The following TENM3 variants were observed in gnomAD, a reference collection of about 807,000 sequenced individuals.
TENM3 encodes the protein teneurin transmembrane protein 3.
A neutral mutation model predicts 255.1 loss-of-function variants in TENM3; 63 were observed. The ratio of observed to expected loss-of-function variants is 0.25; its 90% CI spans 0.20 to 0.30. The LOEUF (loss-of-function observed/expected upper bound fraction) is 0.30, where lower values mean the gene tolerates loss of function less well. TENM3 is among the 10% of genes least tolerant of loss of function. The pLI, the probability that TENM3 is intolerant of heterozygous loss-of-function variation, is 1.00. For missense variants in TENM3, 2,929 were observed against 3,461.1 expected (o/e 0.85, Z 3.86); for synonymous variants, 1,306 against 1,322.3 (o/e 0.99, Z 0.27).
At chr4:181,516,701 G>A in the TENM3 span, among the ~76,000 whole-genome samples, 9,415 of 152,024 alleles carry the variant, frequency 0.062, 385 homozygotes, top group South Asian at 0.15. Flanking sequence ...GCTGGAACTC[G>A]GGAGGGGGAG....
intron 3 of TENM3, among the ~76,000 whole-genome samples, chr4:182,479,622 G>C (rs1367622493): frequency 6.6e-6 from 1 of 152,032 alleles, no homozygotes. Flanking sequence ...CATTTCTTTA[G>C]AAACTGAAGT....
Position 182,779,575 on chromosome 4 carries a change from G to A in TENM3, c.5304+4422G>A, listed in dbSNP as rs537988249. On this transcript the variant is annotated intron_variant, in intron 24 of 27. Transcript: ENST00000511685. ...TTATAGTCCTTTACCCAGTAATGGG[G>A]TAATGGGATGGCTGGGTCAAATGGT... Among the ~76,000 whole-genome samples, 6 of 152,304 alleles carry A rather than the reference G, an allele frequency of 3.9e-5. No individual in the cohort carries two copies. In the East Asian group the frequency reaches 1.2e-3, roughly 29 times the overall value.
chr4:181,571,241 A>C, the TENM3 span, among the ~76,000 whole-genome samples: 1 of 152,192 alleles, frequency 6.6e-6, no homozygotes, highest in African/African-American at 2.4e-5. Flanking sequence ...CAGAAGAGCA[A>C]CTACATCCGT....
At chr4:182,303,473 G>A (rs1761957925) in intron 1 of TENM3, among the ~76,000 whole-genome samples, 1 of 152,150 alleles carries the variant, frequency 6.6e-6, no homozygotes, top group South Asian at 2.1e-4. Flanking sequence ...TCACAATAAA[G>A]CGTAAGAATT....
intron 6 of TENM3, among the ~76,000 whole-genome samples, chr4:182,662,081 T>C (rs140481716): frequency 1.0e-3 from 153 of 152,350 alleles, no homozygotes; most frequent in African/African-American, 3.6e-3. Flanking sequence ...TAAACTATTA[T>C]TTATAAAGTG....
At chr4:181,997,721 C>A in the TENM3 span, among the ~76,000 whole-genome samples, 1 of 152,134 alleles carries the variant, frequency 6.6e-6, no homozygotes, top group Non-Finnish European at 1.5e-5. Context: ...CAATGTACAT[C>A]GTCAGCTCTA....
the TENM3 span, among the ~76,000 whole-genome samples, chr4:181,895,267 G>A: frequency 2.3e-4 from 35 of 151,938 alleles, no homozygotes; most frequent in Non-Finnish European, 3.8e-4. Flanking sequence ...TTTAGTGAGG[G>A]CCTAAACAAA....
At chr4:181,905,458 T>A in the TENM3 span, among the ~76,000 whole-genome samples, 1 of 152,024 alleles carries the variant, frequency 6.6e-6, no homozygotes, top group Non-Finnish European at 1.5e-5. Context: ...AGCTCAGTTC[T>A]GAAGGATTTC....
At chr4:181,556,552 A>T in the TENM3 span, among the ~76,000 whole-genome samples, 1 of 152,098 alleles carries the variant, frequency 6.6e-6, no homozygotes, top group East Asian at 1.9e-4. Flanking sequence ...AAAATTATAT[A>T]CTCTGGACAT....
the TENM3 span, among the ~76,000 whole-genome samples, chr4:181,771,340 G>T: frequency 6.6e-6 from 1 of 152,194 alleles, no homozygotes; most frequent in Non-Finnish European, 1.5e-5. Context: ...AAATGTAATA[G>T]GTGATGCACT....
chr4:182,056,095 C>T, the TENM3 span, among the ~76,000 whole-genome samples: 2 of 152,042 alleles, frequency 1.3e-5, no homozygotes, highest in East Asian at 1.9e-4. Context: ...TTAAAGAACT[C>T]AGTGGTAAAT....
At chr4:181,697,627 C>T in the TENM3 span, among the ~76,000 whole-genome samples, 1 of 151,974 alleles carries the variant, frequency 6.6e-6, no homozygotes, top group Non-Finnish European at 1.5e-5. Context: ...CTCCTGACCT[C>T]GTGATCCGCC....
chr4:181,474,718 G>A, the TENM3 span, among the ~76,000 whole-genome samples: 3 of 146,030 alleles, frequency 2.1e-5, no homozygotes, highest in African/African-American at 7.6e-5. Flanking sequence ...CCAGGTAACA[G>A]TGTGAGACTC....
the TENM3 span, among the ~76,000 whole-genome samples, chr4:182,128,001 GA>G: frequency 1.1e-4 from 16 of 151,778 alleles, no homozygotes; most frequent in East Asian, 2.1e-3. Flanking sequence ...TGCTTTAGGT[GA>G]AAAAAAATTT....
intron 1 of TENM3, among the ~76,000 whole-genome samples, chr4:182,274,262 A>C (rs1759842634): frequency 6.6e-6 from 1 of 152,206 alleles, no homozygotes; most frequent in African/African-American, 2.4e-5. Context: ...AGTCTTCTAC[A>C]TTTTTTATTT....
upstream of TENM3, chr4:182,142,230 G>C (rs11737546): frequency 0.33 from 50,771 of 151,862 alleles, 8,813 homozygotes; most frequent in Admixed American, 0.46. Flanking sequence ...GAAGGAGATG[G>C]ATCTATCCCA....
At chr4:181,736,704 G>A in the TENM3 span, among the ~76,000 whole-genome samples, 28 of 151,864 alleles carry the variant, frequency 1.8e-4, no homozygotes, top group East Asian at 5.0e-3. Context: ...TTTAAATCAC[G>A]AACAAATTAA....
the TENM3 span, among the ~76,000 whole-genome samples, chr4:181,918,319 A>C: frequency 6.6e-6 from 1 of 152,348 alleles, no homozygotes; most frequent in East Asian, 1.9e-4. Flanking sequence ...AGTTGGAACA[A>C]TTCAACTTGT....
chr4:181,787,619 C>T, the TENM3 span, among the ~76,000 whole-genome samples: 4 of 152,268 alleles, frequency 2.6e-5, no homozygotes, highest in South Asian at 2.1e-4. Flanking sequence ...AGATTACAAG[C>T]GTGAGCCACT....
Sources: gnomAD v4.1 joint callset for allele counts (sites outside exome capture counted in the v4.1 genomes callset) on GRCh38, gnomAD v4.1.1 for gene constraint, MANE v1.5 for transcripts, NCBI Gene and HGNC (gene_info 2026-07-23, HGNC 2026-07-21) for gene names.